The following STAP1 variants were observed in gnomAD, a reference collection of about 807,000 sequenced individuals.
STAP1 encodes signal-transducing adaptor protein 1.
A neutral mutation model predicts 37.8 loss-of-function variants in STAP1; 30 were observed. That is an observed-to-expected ratio of 0.79 (90% CI 0.59 to 1.08). The LOEUF (loss-of-function observed/expected upper bound fraction) is 1.08, where lower values mean the gene tolerates loss of function less well. Ranked by LOEUF, STAP1 falls within the 50% of genes least tolerant of loss-of-function variation. The pLI is 0.00. For synonymous variants in STAP1, 130 were observed against 116.0 expected, an observed-to-expected ratio of 1.12 and a Z score of -0.78; for missense variants, 357 against 349.4, an observed-to-expected ratio of 1.02 and a Z score of -0.17.
In STAP1 at chr4:67,600,196, G is replaced by A. The variant is rs183952888; in HGVS notation, c.827-6100G>A. Reference sequence around the variant, plus strand: ...TGTATCTCATAGATTTTGGTCTCTTGAATTGCCATTTTGATTTGTTTCAAG... The same window carrying A: ...TGTATCTCATAGATTTTGGTCTCTTAAATTGCCATTTTGATTTGTTTCAAG... On this transcript the variant is annotated intron_variant, in intron 8 of 8. Transcript: ENST00000265404. Among the ~76,000 whole-genome samples, 102 of 152,040 alleles carry A rather than the reference G, an allele frequency of 6.7e-4. 1 individual carries two copies. The highest frequency in any genetic ancestry group is 1.6e-3 in the African/African-American group (66 of 41,494).
At chr4:67,585,524 T>G (rs976376260) in intron 6 of STAP1, among the ~76,000 whole-genome samples, 1 of 152,242 alleles carries the variant, frequency 6.6e-6, no homozygotes, top group African/African-American at 2.4e-5. Context: ...GTCATGGTTC[T>G]TTGTGTAAGG....
chr4:67,565,053 T>C (rs1156843359), intron 1 of STAP1, among the ~76,000 whole-genome samples: 1 of 152,222 alleles, frequency 6.6e-6, no homozygotes, highest in African/African-American at 2.4e-5. Flanking sequence ...GATTTACTCC[T>C]TTCATTGCAG....
chr4:67,592,113 T>A (rs17838964), intron 7 of STAP1, among the ~76,000 whole-genome samples: 1 of 99,790 alleles, frequency 1.0e-5, no homozygotes, highest in African/African-American at 3.1e-5. Flanking sequence ...CTCAGTAAGG[T>A]TGTATTTTTG....
At chr4:67,599,697 A>G (rs1263514765) in intron 8 of STAP1, among the ~76,000 whole-genome samples, 2 of 150,834 alleles carry the variant, frequency 1.3e-5, no homozygotes, top group Admixed American at 1.3e-4. Flanking sequence ...ACTGGAGTGC[A>G]GTGGCACAAT....
intron 7 of STAP1, among the ~76,000 whole-genome samples, chr4:67,591,632 G>C (rs966267088): frequency 6.6e-6 from 1 of 152,154 alleles, no homozygotes; most frequent in African/African-American, 2.4e-5. Flanking sequence ...CAGGAAAGTT[G>C]TCTCTGGATA....
intron 8 of STAP1, among the ~76,000 whole-genome samples, chr4:67,595,192 G>A (rs1728197428): frequency 6.6e-6 from 1 of 151,892 alleles, no homozygotes; most frequent in African/African-American, 2.4e-5. Flanking sequence ...TAAACTGGGA[G>A]GGATGTGTCA....
intron 2 of STAP1, among the ~76,000 whole-genome samples, chr4:67,574,450 A>G (rs1727674851): frequency 6.6e-6 from 1 of 152,198 alleles, no homozygotes; most frequent in Non-Finnish European, 1.5e-5. Context: ...TCAAAACATC[A>G]TGTATGTATT....
At position 67,558,736 on chromosome 4, in the gene STAP1, C is replaced by A. The variant is rs879705528; in HGVS notation, c.-74C>A. Reference sequence around the variant, plus strand: ...TTGGGACTTCCTCTTTGAACAGTTGCCTTTTCCTCTCACAGAAGGAAGATT... The same window carrying A: ...TTGGGACTTCCTCTTTGAACAGTTGACTTTTCCTCTCACAGAAGGAAGATT... On this transcript the variant is annotated 5_prime_UTR_variant, in exon 1 of 9. Transcript: ENST00000265404. 2 of 1,553,750 alleles carry A rather than the reference C, an allele frequency of 1.3e-6. No individual in the cohort carries two copies. The highest frequency in any genetic ancestry group is 1.7e-4 in the Middle Eastern group (1 of 5,772).
At position 67,581,463 on chromosome 4, in the gene STAP1, T is replaced by C; in HGVS notation, c.522T>C (p.Pro174=). The C allele has an allele frequency of 6.2e-7, 1 of 1,605,538 alleles. No homozygotes were observed. Among genetic ancestry groups the C allele is most frequent in the Non-Finnish European group, 8.5e-7 (1 of 1,176,814 alleles). ...AAGATTATGTGGATGTACTGAACCC[T>C]ATGCCAGCGTAAGTGCACAATGAAC... ...PTEDYVDVLN[P]MPACFYTVSR... Residue 174 remains proline (P), a synonymous_variant, in exon 5 of 9, where the codon CCT becomes CCC. Transcript: ENST00000265404.
At chr4:67,592,713 C>G (rs973610499) in intron 7 of STAP1, among the ~76,000 whole-genome samples, 1 of 152,136 alleles carries the variant, frequency 6.6e-6, no homozygotes, top group Non-Finnish European at 1.5e-5. Context: ...GGGACAGGGT[C>G]TTACCCTGTC....
intron 1 of STAP1, among the ~76,000 whole-genome samples, chr4:67,562,683 A>G (rs1037604063): frequency 6.6e-6 from 1 of 151,478 alleles, no homozygotes; most frequent in Non-Finnish European, 1.5e-5. Flanking sequence ...GAAGCAGGAG[A>G]ATGGCGTGAA....
Position 67,583,696 on chromosome 4 carries a change from A to T in STAP1, c.653A>T (p.Glu218Val). The change falls in exon 6 of 9, where the codon GAG becomes GTG. Residue 218 changes from glutamate to valine, a missense_variant. Coordinates refer to ENST00000265404, the MANE Select transcript of STAP1 (RefSeq NM_012108.4). ...SRNYSITIRQ[E>V]IDIPRIKHYK... ...AACTACTCCATCACTATTCGGCAGG[A>T]GATAGAGTATGTTTATTTTTTTTAA... 1 of 1,609,524 alleles carries T rather than the reference A, an allele frequency of 6.2e-7. No individual in the cohort carries two copies. The highest frequency in any genetic ancestry group is 8.5e-7 in the Non-Finnish European group (1 of 1,178,820).
chr4:67,560,643 G>GGGTGTGTGTGT (rs370510074), intron 1 of STAP1, among the ~76,000 whole-genome samples: 4 of 149,606 alleles, frequency 2.7e-5, no homozygotes, highest in African/African-American at 9.8e-5. Flanking sequence ...TGTGTGTGTG[G>GGGTGTGTGTGT]GTGTGTGTCT....
intron 1 of STAP1, among the ~76,000 whole-genome samples, chr4:67,562,503 C>T (rs1578019542): frequency 6.6e-6 from 1 of 151,508 alleles, no homozygotes; most frequent in Non-Finnish European, 1.5e-5. Context: ...TGGTGGCTCA[C>T]GCCTGTAATC....
At chr4:67,589,820 T>G (rs889844350) in intron 6 of STAP1, among the ~76,000 whole-genome samples, 14 of 151,948 alleles carry the variant, frequency 9.2e-5, no homozygotes, top group Non-Finnish European at 1.8e-4. Flanking sequence ...TTTTTTTTTT[T>G]TTGAGACAGG....
intron 6 of STAP1, among the ~76,000 whole-genome samples, chr4:67,588,773 CT>C (rs1312702637): frequency 5.3e-5 from 8 of 152,098 alleles, no homozygotes; most frequent in African/African-American, 1.9e-4. Context: ...TTTGTGGGTG[CT>C]ATGTTGAGTA....
chr4:67,592,807 C>T (rs1211473556), intron 7 of STAP1, among the ~76,000 whole-genome samples: 2 of 152,158 alleles, frequency 1.3e-5, no homozygotes, highest in Non-Finnish European at 2.9e-5. Flanking sequence ...CCTTAGCCTC[C>T]TGAGCAGCTG....
Position 67,573,644 on chromosome 4 carries a change from T to A in STAP1, c.193-1741T>A, listed in dbSNP as rs183593859. 1.4e-4 allele frequency among the ~76,000 whole-genome samples: 22 copies of A among 152,298 alleles called. 1 individual carries two copies. The East Asian group carries it at 3.8e-3, about 27-fold the overall frequency. On this transcript the variant is annotated intron_variant, in intron 2 of 8. Transcript: ENST00000265404. Reference sequence around the variant, plus strand: ...TTTTTAAAATTGACATATAAAATTGTTTATCATGATGTTTTAAAATATATA... The same window carrying A: ...TTTTTAAAATTGACATATAAAATTGATTATCATGATGTTTTAAAATATATA...
intron 8 of STAP1, among the ~76,000 whole-genome samples, chr4:67,598,948 C>T (rs1328412377): frequency 2.6e-5 from 4 of 152,116 alleles, no homozygotes; most frequent in Non-Finnish European, 5.9e-5. Flanking sequence ...TTATCAAATG[C>T]TTTTTCAGCA....
Sources: allele counts gnomAD v4.1 joint callset (sites outside exome capture counted in the v4.1 genomes callset), GRCh38; gene constraint gnomAD v4.1.1; transcripts MANE v1.5; gene names NCBI Gene and HGNC (gene_info 2026-07-23, HGNC 2026-07-21).